The following DPP10 variants were observed in gnomAD, a reference collection of about 807,000 sequenced individuals.
DPP10 encodes the protein dipeptidyl peptidase like 10.
Under a neutral mutation model 120.9 loss-of-function variants are expected in DPP10, and 33 were observed. The observed-to-expected ratio is 0.27, with a 90% CI of 0.21 to 0.37. The LOEUF (loss-of-function observed/expected upper bound fraction) is 0.37. Ranked by LOEUF, DPP10 falls within the 10% of genes least tolerant of loss-of-function variation. The probability of loss-of-function intolerance (pLI) is 1.00; values close to 1 mark genes in which losing one functional copy is unlikely to be tolerated. For synonymous variants in DPP10, 337 were observed against 326.1 expected (o/e 1.03, Z -0.36); for missense variants, 816 against 942.8 (o/e 0.87, Z 1.76).
At chr2:114,603,004 G>A (rs1558923717) in intron 1 of DPP10, among the ~76,000 whole-genome samples, 6 of 151,928 alleles carry the variant, frequency 3.9e-5, no homozygotes, top group Admixed American at 2.0e-4. Context: ...TGTAAACATG[G>A]CGGAAAAAAT....
At chr2:114,703,968 TGGG>T (rs1700535339) in intron 1 of DPP10, among the ~76,000 whole-genome samples, 1 of 152,086 alleles carries the variant, frequency 6.6e-6, no homozygotes, top group Admixed American at 6.6e-5. Context: ...AGAAGGGATT[TGGG>T]CCTTTTTCCT....
chr2:115,350,739 A>G (rs2063972041), intron 3 of DPP10, among the ~76,000 whole-genome samples: 1 of 152,164 alleles, frequency 6.6e-6, no homozygotes, highest in Non-Finnish European at 1.5e-5. Flanking sequence ...AGATTGAGAC[A>G]TAATATTTCC....
In DPP10 at chr2:115,334,230, G is replaced by GGTTTTTTTTTTTTTTTT. The variant is rs1553554643; in HGVS notation, c.176-9587_176-9586insGTTTTTTTTTTTTTTTT. ...TCAGGAATGGACCAGAGCAGACTCT[G>GGTTTTTTTTTTTTTTTT]TTTTTTTTTTTTTTTTAAGAAACCT... On this transcript the variant is annotated intron_variant, in intron 2 of 25. Transcript: ENST00000410059. 6.6e-4 allele frequency among the ~76,000 whole-genome samples: 37 copies of GGTTTTTTTTTTTTTTTT among 56,410 alleles called. 2 individuals carry two copies. The highest frequency in any genetic ancestry group is 1.8e-3 in the African/African-American group (37 of 20,428). The allele number at this position is 56,410 out of a possible 152,430, so 37.0% of individuals were successfully genotyped here.
At chr2:115,652,069 T>G (rs1381956539) in intron 5 of DPP10, among the ~76,000 whole-genome samples, 3 of 152,064 alleles carry the variant, frequency 2.0e-5, no homozygotes, top group East Asian at 3.9e-4. Flanking sequence ...ATTTTATCTT[T>G]AAAGACTGTT....
intron 1 of DPP10, among the ~76,000 whole-genome samples, chr2:115,010,910 C>G (rs1043741202): frequency 6.6e-6 from 1 of 152,142 alleles, no homozygotes; most frequent in Admixed American, 6.6e-5. Flanking sequence ...AATGGAAAGG[C>G]AAACGTAAAC....
At chr2:115,825,537 A>G (rs907291327) in intron 21 of DPP10, among the ~76,000 whole-genome samples, 16 of 152,138 alleles carry the variant, frequency 1.1e-4, no homozygotes, top group Admixed American at 6.6e-5. Flanking sequence ...AACTTATTTC[A>G]TAATCTTTCT....
chr2:114,917,191 C>G (rs2106636055), intron 1 of DPP10, among the ~76,000 whole-genome samples: 1 of 152,140 alleles, frequency 6.6e-6, no homozygotes, highest in Admixed American at 6.5e-5. Context: ...AAGCTGACAG[C>G]CAAATTAAGA....
chr2:114,933,633 G>A (rs1329923157), intron 1 of DPP10, among the ~76,000 whole-genome samples: 1 of 152,156 alleles, frequency 6.6e-6, no homozygotes, highest in South Asian at 2.1e-4. Context: ...GAAATGTGAA[G>A]GCAGAAAAGC....
chr2:115,463,995 A>G (rs1006870660), intron 3 of DPP10, among the ~76,000 whole-genome samples: 3 of 151,896 alleles, frequency 2.0e-5, no homozygotes, highest in African/African-American at 7.3e-5. Flanking sequence ...TCCAGTAGAG[A>G]CTGGTGGTCC....
intron 1 of DPP10, among the ~76,000 whole-genome samples, chr2:115,118,812 A>G (rs982050820): frequency 1.3e-5 from 2 of 150,250 alleles, no homozygotes; most frequent in African/African-American, 4.9e-5. Flanking sequence ...ATGGGGTTTC[A>G]CCATGTTGGC....
At chr2:115,751,108 A>G (rs1341563589) in intron 10 of DPP10, among the ~76,000 whole-genome samples, 1 of 152,174 alleles carries the variant, frequency 6.6e-6, no homozygotes, top group Non-Finnish European at 1.5e-5. Context: ...GTTGTTTACA[A>G]TATTCAAATT....
At chr2:114,480,916 G>A (rs1680982564) in intron 1 of DPP10, among the ~76,000 whole-genome samples, 1 of 151,620 alleles carries the variant, frequency 6.6e-6, no homozygotes, top group Admixed American at 6.6e-5. Flanking sequence ...TTTGCAGCAA[G>A]TGGACATCTA....
intron 1 of DPP10, among the ~76,000 whole-genome samples, chr2:114,980,869 G>T (rs553518844): frequency 6.6e-6 from 1 of 151,210 alleles, no homozygotes; most frequent in Non-Finnish European, 1.5e-5. Flanking sequence ...GTAATTTTTC[G>T]TTTAACTTAA....
intron 1 of DPP10, among the ~76,000 whole-genome samples, chr2:114,759,092 A>G (rs1332319139): frequency 6.6e-6 from 1 of 152,218 alleles, no homozygotes; most frequent in African/African-American, 2.4e-5. Context: ...GTTATTGAAA[A>G]GACCACTTTC....
intron 1 of DPP10, among the ~76,000 whole-genome samples, chr2:114,964,043 A>G (rs1698835176): frequency 6.6e-6 from 1 of 152,170 alleles, no homozygotes. Flanking sequence ...GAACCCACCC[A>G]TAGACCTTTC....
chr2:114,995,691 GT>G (rs1365554700), intron 1 of DPP10, among the ~76,000 whole-genome samples: 5 of 152,174 alleles, frequency 3.3e-5, no homozygotes, highest in African/African-American at 1.2e-4. Flanking sequence ...CGGTTTTAGA[GT>G]GGGGGGAACC....
At chr2:115,588,578 A>G (rs2082434494) in intron 5 of DPP10, among the ~76,000 whole-genome samples, 1 of 152,218 alleles carries the variant, frequency 6.6e-6, no homozygotes, top group African/African-American at 2.4e-5. Flanking sequence ...TACCTGGGGC[A>G]TGCCACATGG....
chr2:114,767,913 G>C (rs1439723716), intron 1 of DPP10, among the ~76,000 whole-genome samples: 2 of 152,100 alleles, frequency 1.3e-5, no homozygotes, highest in Non-Finnish European at 2.9e-5. Flanking sequence ...CTGAGGTCAG[G>C]AGTTTGAAAC....
chr2:114,557,655 C>T (rs1220983466), intron 1 of DPP10, among the ~76,000 whole-genome samples: 1 of 152,080 alleles, frequency 6.6e-6, no homozygotes, highest in Non-Finnish European at 1.5e-5. Flanking sequence ...AGTGTTCAGT[C>T]TTCAGTGGGT....
Sources: gnomAD v4.1 joint callset for allele counts (sites outside exome capture counted in the v4.1 genomes callset) on GRCh38, gnomAD v4.1.1 for gene constraint, MANE v1.5 for transcripts, NCBI Gene and HGNC (gene_info 2026-07-23, HGNC 2026-07-21) for gene names.